The following CAMTA1 variants were observed in gnomAD, a reference collection of about 807,000 sequenced individuals.
CAMTA1 encodes calmodulin-binding transcription activator 1.
CAMTA1 carries 27 observed loss-of-function variants against 170.9 expected under a neutral mutation model. That is an observed-to-expected ratio of 0.16 (90% CI 0.12 to 0.22). The LOEUF (loss-of-function observed/expected upper bound fraction) is 0.22. CAMTA1 is among the 10% of genes least tolerant of loss of function. The probability of loss-of-function intolerance (pLI) is 1.00; values close to 1 mark genes in which losing one functional copy is unlikely to be tolerated. For synonymous variants in CAMTA1, 833 were observed against 891.5 expected, an observed-to-expected ratio of 0.93 and a Z score of 1.17; for missense variants, 1,619 against 2,217.2, an observed-to-expected ratio of 0.73 and a Z score of 5.42.
intron 1 of CAMTA1, among the ~76,000 whole-genome samples, chr1:6,814,035 T>C (rs1479389915): frequency 6.6e-6 from 1 of 152,184 alleles, no homozygotes; most frequent in Non-Finnish European, 1.5e-5. Flanking sequence ...CCAGACATTG[T>C]ATTAAGTATT....
chr1:7,509,901 C>T (rs963899181), intron 6 of CAMTA1, among the ~76,000 whole-genome samples: 1 of 151,772 alleles, frequency 6.6e-6, no homozygotes, highest in Non-Finnish European at 1.5e-5. Context: ...GTTCACAAGG[C>T]CATGAAGCTT....
chr1:6,846,925 GA>G (rs1232055134), intron 3 of CAMTA1, among the ~76,000 whole-genome samples: 2 of 151,584 alleles, frequency 1.3e-5, no homozygotes, highest in Non-Finnish European at 2.9e-5. Context: ...AGGTATAATA[GA>G]ATTATAAAGT....
At chr1:6,974,633 CTT>C (rs1480084564) in intron 3 of CAMTA1, among the ~76,000 whole-genome samples, 3 of 152,164 alleles carry the variant, frequency 2.0e-5, no homozygotes, top group Non-Finnish European at 4.4e-5. Flanking sequence ...CGGAGGGAGT[CTT>C]TGAGGAAGCC....
intron 3 of CAMTA1, among the ~76,000 whole-genome samples, chr1:7,081,785 C>G (rs1310591447): frequency 6.6e-6 from 1 of 152,144 alleles, no homozygotes; most frequent in African/African-American, 2.4e-5. Context: ...CCTGGGGTTG[C>G]CAGACTTTAT....
intron 5 of CAMTA1, among the ~76,000 whole-genome samples, chr1:7,466,947 C>A (rs562422792): frequency 1.3e-5 from 2 of 152,268 alleles, no homozygotes; most frequent in Admixed American, 1.3e-4. Context: ...ATCAATGGTT[C>A]TCCTTAGGCC....
intron 4 of CAMTA1, among the ~76,000 whole-genome samples, chr1:7,148,721 C>T (rs764657667): frequency 6.6e-6 from 1 of 152,242 alleles, no homozygotes; most frequent in African/African-American, 2.4e-5. Flanking sequence ...ACCACTGGGG[C>T]ACTAAGTGTG....
chr1:6,834,809 A>G (rs1339661577), intron 3 of CAMTA1, among the ~76,000 whole-genome samples: 1 of 151,740 alleles, frequency 6.6e-6, no homozygotes, highest in Non-Finnish European at 1.5e-5. Flanking sequence ...TAATTTATAC[A>G]TTGTTTTTGG....
intron 6 of CAMTA1, among the ~76,000 whole-genome samples, chr1:7,507,460 C>T (rs764199471): frequency 5.3e-5 from 8 of 152,222 alleles, no homozygotes; most frequent in Non-Finnish European, 8.8e-5. Flanking sequence ...CTCTTGGCCT[C>T]ACTTCCTTTC....
rs1042391751 is a variant in CAMTA1 at position 7,674,549 on chromosome 1, C to G, written c.2780-3050C>G. 6.6e-6 allele frequency among the ~76,000 whole-genome samples: 1 copy of G among 152,126 alleles called. No individual in the cohort carries two copies. Among genetic ancestry groups the G allele is most frequent in the Non-Finnish European group, 1.5e-5 (1 of 68,022 alleles). ...ATCCTAGCATGTTGGGAGGCCGAGG[C>G]GGGCGGATCACTTGAAGTCAGGAGT... On this transcript the variant is annotated intron_variant, in intron 10 of 22. Transcript: ENST00000303635. This position sits in a 1 kb window ranked among gnomAD's most constrained non-coding sequence, Gnocchi z 4.1.
At chr1:6,944,780 A>C (rs566541694) in intron 3 of CAMTA1, among the ~76,000 whole-genome samples, 2 of 152,248 alleles carry the variant, frequency 1.3e-5, no homozygotes, top group Admixed American at 1.3e-4. Flanking sequence ...CAGTTTTTCC[A>C]CTGTACCAAT....
intron 5 of CAMTA1, among the ~76,000 whole-genome samples, chr1:7,449,668 G>T (rs2092768011): frequency 6.6e-6 from 1 of 151,304 alleles, no homozygotes; most frequent in South Asian, 2.1e-4. Flanking sequence ...TACTTGGGAG[G>T]CTGGGGCAGG....
chr1:7,259,777 G>C (rs115580820), intron 5 of CAMTA1, among the ~76,000 whole-genome samples: 63 of 152,316 alleles, frequency 4.1e-4, no homozygotes, highest in Non-Finnish European at 7.3e-4. Flanking sequence ...GAGAATAGCA[G>C]GTTTCTGAAA....
chr1:7,363,175 C>T (rs2085684883), intron 5 of CAMTA1, among the ~76,000 whole-genome samples: 1 of 152,190 alleles, frequency 6.6e-6, no homozygotes, highest in Non-Finnish European at 1.5e-5. Context: ...GAACATGGTG[C>T]CCACTTGTTA....
intron 3 of CAMTA1, among the ~76,000 whole-genome samples, chr1:6,967,941 G>C (rs1422549809): frequency 2.0e-5 from 3 of 152,142 alleles, no homozygotes; most frequent in Non-Finnish European, 4.4e-5. Flanking sequence ...GAGGTCTCTT[G>C]GTTTTCTCAG....
In CAMTA1 at chr1:7,150,846, T is replaced by A. The variant is rs532932467; in HGVS notation, c.302+59475T>A. Among the ~76,000 whole-genome samples, 49 of 152,326 alleles carry A rather than the reference T, an allele frequency of 3.2e-4. No individual in the cohort carries two copies. In the Middle Eastern group the frequency reaches 0.02, roughly 63 times the overall value. On this transcript the variant is annotated intron_variant, in intron 4 of 22. Coordinates refer to ENST00000303635, the MANE Select transcript of CAMTA1 (RefSeq NM_015215.4). ...TGGGAAGTGTATTTTCCCTCTGATG[T>A]TGTCACTACTGGCTGGTGCCGCAGA...
intron 5 of CAMTA1, among the ~76,000 whole-genome samples, chr1:7,305,238 C>T (rs1675406641): frequency 6.6e-6 from 1 of 151,992 alleles, no homozygotes; most frequent in Non-Finnish European, 1.5e-5. Flanking sequence ...ATTTGATTGC[C>T]ACACTCTTAA....
chr1:7,263,467 CA>C (rs1290786822), intron 5 of CAMTA1, among the ~76,000 whole-genome samples: 1 of 152,154 alleles, frequency 6.6e-6, no homozygotes, highest in African/African-American at 2.4e-5. Context: ...GGACACAAAC[CA>C]GAATGCAGAA....
At chr1:7,500,671 G>A (rs2093991087) in intron 6 of CAMTA1, among the ~76,000 whole-genome samples, 1 of 152,116 alleles carries the variant, frequency 6.6e-6, no homozygotes, top group Non-Finnish European at 1.5e-5. Flanking sequence ...GCCTGTGGTC[G>A]CCCAGCTTCA....
At chr1:7,310,446 A>T (rs138600986) in intron 5 of CAMTA1, among the ~76,000 whole-genome samples, 1 of 152,314 alleles carries the variant, frequency 6.6e-6, no homozygotes, top group African/African-American at 2.4e-5. Context: ...TGCATAACAG[A>T]ATAGTTATGG....
Sources: allele counts gnomAD v4.1 joint callset (sites outside exome capture counted in the v4.1 genomes callset), GRCh38; gene constraint gnomAD v4.1.1; non-coding constraint Gnocchi (gnomAD v3.1); transcripts MANE v1.5; gene names NCBI Gene and HGNC (gene_info 2026-07-23, HGNC 2026-07-21).